Variants in FSTL5 observed in about 807,000 individuals in gnomAD.
FSTL5 encodes the protein follistatin-related protein 5.
A neutral mutation model predicts 89.1 loss-of-function variants in FSTL5; 62 were observed. That is an observed-to-expected ratio of 0.70 (90% CI 0.57 to 0.86). FSTL5 has a LOEUF of 0.86. FSTL5 is among the 40% of genes least tolerant of loss of function. The pLI, the probability that FSTL5 is intolerant of heterozygous loss-of-function variation, is 0.00. For synonymous variants in FSTL5, 383 were observed against 346.2 expected (o/e 1.11, Z -1.18); for missense variants, 1,057 against 1,001.6 (o/e 1.06, Z -0.75).
intron 4 of FSTL5, among the ~76,000 whole-genome samples, chr4:161,867,975 A>C (rs1732144464): frequency 6.6e-6 from 1 of 152,132 alleles, no homozygotes; most frequent in South Asian, 2.1e-4. Flanking sequence ...ATAGGTGAAC[A>C]CATAAAAAAT....
At chr4:161,719,441 C>G (rs1739113995) in intron 6 of FSTL5, among the ~76,000 whole-genome samples, 1 of 151,954 alleles carries the variant, frequency 6.6e-6, no homozygotes, top group Non-Finnish European at 1.5e-5. Context: ...TACGATACTT[C>G]CAGTTTTGCT....
intron 3 of FSTL5, among the ~76,000 whole-genome samples, chr4:161,982,407 G>C (rs1735849347): frequency 6.6e-6 from 1 of 152,176 alleles, no homozygotes; most frequent in Non-Finnish European, 1.5e-5. Context: ...TTAGAAAATA[G>C]AATGGTTCTC....
chr4:161,825,994 G>T (rs895958037), intron 4 of FSTL5, among the ~76,000 whole-genome samples: 3 of 151,838 alleles, frequency 2.0e-5, no homozygotes, highest in Non-Finnish European at 4.4e-5. Flanking sequence ...TGCTTTTTCA[G>T]ACTTTTTGAT....
intron 10 of FSTL5, among the ~76,000 whole-genome samples, chr4:161,533,316 C>A (rs1230492856): frequency 6.7e-6 from 1 of 148,584 alleles, no homozygotes; most frequent in Non-Finnish European, 1.5e-5. Flanking sequence ...AAAACGTTGA[C>A]CACTAGCTAG....
At chr4:161,626,785 A>T (rs1735331247) in intron 7 of FSTL5, among the ~76,000 whole-genome samples, 1 of 152,220 alleles carries the variant, frequency 6.6e-6, no homozygotes, top group African/African-American at 2.4e-5. Flanking sequence ...CAGAAGGTCA[A>T]ACATTTATAT....
In FSTL5 at chr4:161,781,233, A is replaced by T. The variant is rs563977171; in HGVS notation, c.410-5159T>A. Among the ~76,000 whole-genome samples, 14 of 152,194 alleles carry T rather than the reference A, an allele frequency of 9.2e-5. No individual in the cohort carries two copies. The South Asian group carries it at 2.7e-3, about 29-fold the overall frequency. Reference sequence around the variant, plus strand: ...AATATGCATATATGAATCAAATTCAATGTGGAAAGCTATCATATTTATATT... The same window carrying T: ...AATATGCATATATGAATCAAATTCATTGTGGAAAGCTATCATATTTATATT... On this transcript the variant is annotated intron_variant, in intron 4 of 15. Coordinates refer to ENST00000306100, the MANE Select transcript of FSTL5 (RefSeq NM_020116.5).
intron 12 of FSTL5, among the ~76,000 whole-genome samples, chr4:161,490,684 T>C (rs1560920897): frequency 6.6e-6 from 1 of 152,176 alleles, no homozygotes; most frequent in Non-Finnish European, 1.5e-5. Flanking sequence ...AAAAAATTAC[T>C]CTGAAATGCA....
chr4:161,501,623 T>C (rs921814227), intron 11 of FSTL5, among the ~76,000 whole-genome samples: 11 of 152,014 alleles, frequency 7.2e-5, no homozygotes, highest in Non-Finnish European at 1.5e-4. Context: ...TTTTAATAGA[T>C]GTAATCTTTA....
intron 7 of FSTL5, among the ~76,000 whole-genome samples, chr4:161,647,430 A>G (rs951862976): frequency 1.3e-5 from 2 of 151,790 alleles, no homozygotes; most frequent in African/African-American, 4.8e-5. Context: ...GAAATACTTT[A>G]GTTTTGTTTC....
chr4:161,868,618 T>C (rs999066203), intron 4 of FSTL5, among the ~76,000 whole-genome samples: 1 of 152,232 alleles, frequency 6.6e-6, no homozygotes, highest in African/African-American at 2.4e-5. Flanking sequence ...TGACTACTTA[T>C]CATTGACTGT....
At chr4:161,562,641 G>T (rs939779937) in intron 8 of FSTL5, among the ~76,000 whole-genome samples, 1 of 151,410 alleles carries the variant, frequency 6.6e-6, no homozygotes, top group Non-Finnish European at 1.5e-5. Flanking sequence ...ATTGGTCATT[G>T]CTAGTGTATG....
At chr4:161,511,551 G>A (rs1730652874) in intron 10 of FSTL5, among the ~76,000 whole-genome samples, 1 of 152,026 alleles carries the variant, frequency 6.6e-6, no homozygotes, top group Non-Finnish European at 1.5e-5. Context: ...TATGAGATGA[G>A]TAAGTTCTGA....
intron 6 of FSTL5, among the ~76,000 whole-genome samples, chr4:161,690,679 G>T (rs756984574): frequency 6.6e-6 from 1 of 151,982 alleles, no homozygotes; most frequent in Non-Finnish European, 1.5e-5. Flanking sequence ...TAAGTTCAGG[G>T]GTACAAGTGC....
At chr4:161,631,988 A>C (rs923160453) in intron 7 of FSTL5, among the ~76,000 whole-genome samples, 21 of 152,204 alleles carry the variant, frequency 1.4e-4, no homozygotes, top group African/African-American at 5.1e-4. Flanking sequence ...TATTTGGTTC[A>C]TGTAAAATTT....
At position 161,969,240 on chromosome 4, in the gene FSTL5, T is replaced by A. The variant is rs551717221; in HGVS notation, c.161-48588A>T. Among the ~76,000 whole-genome samples, 3 of 152,168 alleles carry A rather than the reference T, an allele frequency of 2.0e-5. No individual in the cohort carries two copies. The East Asian group carries it at 5.8e-4, about 29-fold the overall frequency. On this transcript the variant is annotated intron_variant, in intron 3 of 15. Coordinates refer to ENST00000306100, the MANE Select transcript of FSTL5 (RefSeq NM_020116.5). ...GATCTACTAAGTATAGACAAGTACGTTTAATTCATACTGTCTCCATTACTT... is the reference window on the plus strand; with the variant it reads ...GATCTACTAAGTATAGACAAGTACGATTAATTCATACTGTCTCCATTACTT...
rs143645973 is a variant in FSTL5 at position 161,747,935 on chromosome 4, A to C, written c.727+11476T>G. ...ATTTACTTTTTATCATTAAAAAATT[A>C]TTTCCAAATTTACTAAGGATGATAA... On this transcript the variant is annotated intron_variant, in intron 6 of 15. Coordinates refer to ENST00000306100, the MANE Select transcript of FSTL5 (RefSeq NM_020116.5). Among the ~76,000 whole-genome samples, 259 of 152,308 alleles carry C rather than the reference A, an allele frequency of 1.7e-3. 1 individual carries two copies. The highest frequency in any genetic ancestry group is 6.1e-3 in the African/African-American group (254 of 41,582).
intron 5 of FSTL5, among the ~76,000 whole-genome samples, chr4:161,759,973 T>C (rs994903035): frequency 6.6e-6 from 1 of 152,174 alleles, no homozygotes; most frequent in African/African-American, 2.4e-5. Context: ...TTCTTCCTCA[T>C]ATGATTTGTA....
At chr4:162,111,141 A>T in intron 2 of FSTL5, 130 bp downstream of exon 2, 1 of 728,562 alleles carries the variant, frequency 1.4e-6, no homozygotes, top group Non-Finnish European at 2.1e-6. Flanking sequence ...TGTGCATTTT[A>T]AAAATAATAT....
intron 2 of FSTL5, among the ~76,000 whole-genome samples, chr4:162,109,930 C>T (rs1299931604): frequency 6.6e-6 from 1 of 151,944 alleles, no homozygotes; most frequent in Non-Finnish European, 1.5e-5. Context: ...GTTCTGAGAA[C>T]ATTAAGAGTT....
Sources: gnomAD v4.1 joint callset for allele counts (sites outside exome capture counted in the v4.1 genomes callset) on GRCh38, gnomAD v4.1.1 for gene constraint, MANE v1.5 for transcripts, NCBI Gene and HGNC (gene_info 2026-07-23, HGNC 2026-07-21) for gene names.